Variants in SH3GL2 observed in about 807,000 individuals in gnomAD.
SH3GL2 encodes SH3 domain containing GRB2 like 2, endophilin A1.
SH3GL2 carries 24 observed loss-of-function variants against 46.0 expected under a neutral mutation model. The observed-to-expected ratio is 0.52, with a 90% CI of 0.38 to 0.73. SH3GL2 has a LOEUF of 0.73. SH3GL2 is among the 30% of genes least tolerant of loss of function. The probability of loss-of-function intolerance (pLI) is 0.00; values close to 1 mark genes in which losing one functional copy is unlikely to be tolerated. For missense variants in SH3GL2, 413 were observed against 424.2 expected (o/e 0.97, Z 0.23); for synonymous variants, 196 against 147.1 (o/e 1.33, Z -2.40).
At chr9:17,614,203 C>A (rs1818932052) in intron 1 of SH3GL2, among the ~76,000 whole-genome samples, 1 of 144,928 alleles carries the variant, frequency 6.9e-6, no homozygotes, top group Non-Finnish European at 1.5e-5. Context: ...CTCAGTAAAT[C>A]ACCAGCATTC....
intron 1 of SH3GL2, among the ~76,000 whole-genome samples, chr9:17,582,357 A>G (rs556339423): frequency 2.6e-5 from 4 of 152,228 alleles, no homozygotes; most frequent in Admixed American, 6.5e-5. Context: ...TAATTAGAAT[A>G]AAGTATTCTT....
intron 2 of SH3GL2, among the ~76,000 whole-genome samples, chr9:17,756,862 A>G (rs1823008485): frequency 6.6e-6 from 1 of 152,088 alleles, no homozygotes; most frequent in Non-Finnish European, 1.5e-5. Context: ...GGCTGGGTCA[A>G]ATGGTATTTC....
intron 1 of SH3GL2, among the ~76,000 whole-genome samples, chr9:17,690,285 T>TC (rs979687322): frequency 1.3e-5 from 2 of 152,114 alleles, no homozygotes; most frequent in African/African-American, 4.8e-5. Context: ...CATTCAGCAT[T>TC]CCCCCGGGCG....
At chr9:17,736,531 C>T (rs73645159) in intron 1 of SH3GL2, among the ~76,000 whole-genome samples, 1,870 of 152,172 alleles carry the variant, frequency 0.012, 42 homozygotes, top group African/African-American at 0.043. Context: ...ATTATTGTAT[C>T]TGTGAGCATG....
At chr9:17,747,170 A>C (rs1283064815) in intron 2 of SH3GL2, 36 bp downstream of exon 2, 4 of 1,364,656 alleles carry the variant, frequency 2.9e-6, no homozygotes, top group Non-Finnish European at 4.1e-6. Flanking sequence ...TCCCTTTGAC[A>C]TAAACATGTC....
At chr9:17,793,152 G>T (rs186968379) in intron 7 of SH3GL2, among the ~76,000 whole-genome samples, 1 of 152,252 alleles carries the variant, frequency 6.6e-6, no homozygotes, top group Non-Finnish European at 1.5e-5. Flanking sequence ...TTGAGAGAGA[G>T]AATGAAGACA....
intron 1 of SH3GL2, among the ~76,000 whole-genome samples, chr9:17,657,978 T>C (rs1406896271): frequency 6.6e-6 from 1 of 152,196 alleles, no homozygotes; most frequent in African/African-American, 2.4e-5. Flanking sequence ...AAACTTTCTA[T>C]TGTTGGACAG....
At chr9:17,793,746 A>T (rs947194240) in intron 8 of SH3GL2, among the ~76,000 whole-genome samples, 1 of 151,964 alleles carries the variant, frequency 6.6e-6, no homozygotes, top group East Asian at 1.9e-4. Flanking sequence ...TTCTCTGTCA[A>T]TCATCAGCAC....
intron 3 of SH3GL2, among the ~76,000 whole-genome samples, 192 bp from the exon 4 acceptor site, chr9:17,786,189 G>A (rs1021751704): frequency 3.9e-5 from 6 of 152,156 alleles, no homozygotes; most frequent in African/African-American, 1.4e-4. Flanking sequence ...TTAAGGGAAA[G>A]GGAGAGTTTA....
chr9:17,656,363 C>T (rs1414947172), intron 1 of SH3GL2, among the ~76,000 whole-genome samples: 3 of 151,818 alleles, frequency 2.0e-5, no homozygotes, highest in African/African-American at 7.3e-5. Context: ...AACTGACTAG[C>T]TTTATGAAAT....
At chr9:17,613,006 A>G (rs1459758013) in intron 1 of SH3GL2, among the ~76,000 whole-genome samples, 1 of 152,192 alleles carries the variant, frequency 6.6e-6, no homozygotes, top group Non-Finnish European at 1.5e-5. Context: ...GCGTGTATCA[A>G]TGCTTCATTC....
intron 1 of SH3GL2, among the ~76,000 whole-genome samples, chr9:17,734,579 C>T (rs1232512627): frequency 6.6e-6 from 1 of 151,982 alleles, no homozygotes; most frequent in Non-Finnish European, 1.5e-5. Flanking sequence ...AATGAATAAA[C>T]AAAATATGGA....
intron 1 of SH3GL2, among the ~76,000 whole-genome samples, chr9:17,666,545 CGTGTGTGT>C (rs71331502): frequency 7.0e-5 from 10 of 142,148 alleles, no homozygotes; most frequent in East Asian, 4.1e-4. Context: ...ACAAAGGTAA[CGTGTGTGT>C]GTGTGTGTGT....
chr9:17,668,141 G>C (rs1820390022), intron 1 of SH3GL2, among the ~76,000 whole-genome samples: 1 of 152,174 alleles, frequency 6.6e-6, no homozygotes. Flanking sequence ...ATGAGGTCCA[G>C]CTTACCAGGG....
At chr9:17,714,938 A>G (rs1441208925) in intron 1 of SH3GL2, among the ~76,000 whole-genome samples, 5 of 151,654 alleles carry the variant, frequency 3.3e-5, no homozygotes. Flanking sequence ...TCCAGCTTTT[A>G]TATGTCTGAA....
chr9:17,631,260 C>T (rs547708104), intron 1 of SH3GL2, among the ~76,000 whole-genome samples: 1 of 152,290 alleles, frequency 6.6e-6, no homozygotes, highest in South Asian at 2.1e-4. Context: ...CTCATCCATC[C>T]CCCTGTGGAG....
chr9:17,739,979 G>A (rs1455973794), intron 1 of SH3GL2, among the ~76,000 whole-genome samples: 1 of 152,078 alleles, frequency 6.6e-6, no homozygotes, highest in African/African-American at 2.4e-5. Context: ...TGGGAAAAAG[G>A]CCAAGTACTT....
chr9:17,705,535 C>T (rs1821449434), intron 1 of SH3GL2, among the ~76,000 whole-genome samples: 1 of 151,882 alleles, frequency 6.6e-6, no homozygotes, highest in African/African-American at 2.4e-5. Context: ...GTACCATATT[C>T]AGGCCACTTA....
chr9:17,740,174 ATGCCTT>A (rs1563834524), intron 1 of SH3GL2, among the ~76,000 whole-genome samples: 1 of 152,144 alleles, frequency 6.6e-6, no homozygotes, highest in Non-Finnish European at 1.5e-5. Context: ...GATAGACAAA[ATGCCTT>A]TACTCATTTT....
Sources: gnomAD v4.1 joint callset for allele counts (sites outside exome capture counted in the v4.1 genomes callset) on GRCh38, gnomAD v4.1.1 for gene constraint, MANE v1.5 for transcripts, NCBI Gene and HGNC (gene_info 2026-07-23, HGNC 2026-07-21) for gene names.